The following TMEM80 variants were observed in gnomAD, a reference collection of about 807,000 sequenced individuals.
The protein encoded by TMEM80 is transmembrane protein 80.
In TMEM80, 16 loss-of-function variants were observed where a neutral mutation model predicts 13.6. The observed-to-expected ratio is 1.17, with a 90% CI of 0.79 to 1.78. The LOEUF (loss-of-function observed/expected upper bound fraction) is 1.78, where lower values mean the gene tolerates loss of function less well. Among genes scored for constraint, TMEM80 ranks in the 40% most tolerant of loss-of-function variants. The pLI is 0.00. For synonymous variants in TMEM80, 92 were observed against 89.5 expected (o/e 1.03, Z -0.16); for missense variants, 167 against 184.6 (o/e 0.90, Z 0.55).
intron 2 of TMEM80, 50 bp downstream of exon 2, chr11:698,938 T>A: frequency 6.2e-7 from 1 of 1,612,536 alleles, no homozygotes; most frequent in Non-Finnish European, 8.5e-7. Context: ...CCCGAATTGC[T>A]GCTGCACAGA....
At chr11:701,691 G>A (rs991244708) in intron 4 of TMEM80, among the ~76,000 whole-genome samples, 2 of 151,840 alleles carry the variant, frequency 1.3e-5, no homozygotes, top group East Asian at 3.9e-4. Flanking sequence ...TTACAGGCGT[G>A]AGCCACCGCG....
Position 695,852 on chromosome 11 carries a change from C to T in TMEM80, c.19+6C>T. ...GATGGCGGCCCCGCGGCGAGGTGAGCTCGGGCGGGGTGGGGGCTTCCGGGC... is the reference window on the plus strand; with the variant it reads ...GATGGCGGCCCCGCGGCGAGGTGAGTTCGGGCGGGGTGGGGGCTTCCGGGC... On this transcript the variant is annotated splice_donor_region_variant and intron_variant, in intron 1 of 4. Transcript: ENST00000397510. The T allele has an allele frequency of 8.1e-7, 1 of 1,229,244 alleles. No individual in the cohort carries two copies. Among genetic ancestry groups the T allele is most frequent in the African/African-American group, 1.6e-5 (1 of 64,362 alleles). The allele number at this position is 1,229,244 out of a possible 1,614,324, so 76.1% of individuals were successfully genotyped here.
Position 703,914 on chromosome 11 carries a change from T to A in TMEM80, c.*764T>A. 8.1e-7 allele frequency: 1 copy of A among 1,242,098 alleles called. No individual in the cohort carries two copies. The highest frequency in any genetic ancestry group is 1.0e-6 in the Non-Finnish European group (1 of 994,784). 76.9% of individuals were successfully genotyped at this position (1,242,098 alleles called of 1,614,324 possible). A position where few individuals can be genotyped will look rare whatever the true frequency, so the allele number is the denominator to read the frequency against. On this transcript the variant is annotated 3_prime_UTR_variant, in exon 5 of 5. Transcript: ENST00000397510. ...TCCAGTTTTATCAGCTTTTGCCTTT[T>A]GCACGGAGTGCTAAACAAATTCTAG... is the stretch of plus-strand genomic sequence containing the variant.
chr11:704,570 G>A, downstream of TMEM80: 7 of 1,288,758 alleles, frequency 5.4e-6, no homozygotes, highest in Non-Finnish European at 7.1e-6. Context: ...GCCATCTGGA[G>A]GACCCAGCCC....
intron 1 of TMEM80, among the ~76,000 whole-genome samples, chr11:696,828 C>T (rs1314456995): frequency 5.1e-5 from 2 of 39,204 alleles, no homozygotes; most frequent in Non-Finnish European, 1.2e-4. Context: ...GCCTGTAATC[C>T]CAGCACTTTG....
At chr11:702,438 C>T (rs963475610) in intron 4 of TMEM80, among the ~76,000 whole-genome samples, 5 of 152,236 alleles carry the variant, frequency 3.3e-5, no homozygotes, top group South Asian at 2.1e-4. Context: ...TCCCCAAGCG[C>T]GCCGCACACT....
At position 700,697 on chromosome 11, in the gene TMEM80, G is replaced by A. The variant is rs778526441; in HGVS notation, c.216G>A (p.Arg72=). The part of the protein sequence containing the change: ...LFLMGILEAV[R]LYLGTRGNLT... ...TGATGGGGATTCTAGAAGCAGTTCG[G>A]TTATACCTGGGTGAGTGGACTGTTA... Residue 72 remains arginine, a synonymous_variant, in exon 4 of 5, where the codon CGG becomes CGA. Coordinates refer to ENST00000397510, the MANE Select transcript of TMEM80 (RefSeq NM_001042463.3). 4.2e-5 allele frequency: 67 copies of A among 1,614,006 alleles called. No individual in the cohort carries two copies. In the South Asian group the frequency reaches 7.2e-4, roughly 17 times the overall value.
At chr11:704,183 A>G, downstream of TMEM80, 3 of 1,068,706 alleles carry the variant, frequency 2.8e-6, no homozygotes, top group Non-Finnish European at 3.6e-6. Context: ...CCTGCCCTGC[A>G]AGAGAGCACA....
At chr11:704,310 C>T (rs1280569344), downstream of TMEM80, 8 of 733,224 alleles carry the variant, frequency 1.1e-5, no homozygotes, top group Non-Finnish European at 1.6e-5. Flanking sequence ...CCTGGGCCTC[C>T]ACTGGGGCTC....
At chr11:702,794 C>T in intron 4 of TMEM80, 151 bp from the exon 5 acceptor site, 1 of 713,974 alleles carries the variant, frequency 1.4e-6, no homozygotes, top group East Asian at 2.8e-5. Context: ...TCTGGGTGGC[C>T]ATGGAGGCTG....
At chr11:700,380 A>T in intron 3 of TMEM80, 145 bp downstream of exon 3, 1 of 811,068 alleles carries the variant, frequency 1.2e-6, no homozygotes, top group Non-Finnish European at 2.0e-6. Flanking sequence ...CACAAAAAGT[A>T]GCCGGGCGTG....
upstream of TMEM80, chr11:695,653 C>G: frequency 8.0e-7 from 1 of 1,244,648 alleles, no homozygotes; most frequent in Non-Finnish European, 1.0e-6. Flanking sequence ...TCCGAAAGTG[C>G]CCGAGCGGTG....
At chr11:697,081 CAA>C (rs982139119) in intron 1 of TMEM80, among the ~76,000 whole-genome samples, 6 of 141,088 alleles carry the variant, frequency 4.3e-5, no homozygotes, top group Admixed American at 3.6e-4. Context: ...GCCTGGGCAA[CAA>C]GAGCGAAATT....
In TMEM80 at chr11:695,963, C is replaced by A. The variant is rs1330160765; in HGVS notation, c.19+117C>A. ...TCACGGGGCCGTGCCACCGTCTCTA[C>A]GTGAGCGAGACAGCTCCGTCACCCC... On this transcript the variant is annotated intron_variant, in intron 1 of 4. Coordinates refer to ENST00000397510, the MANE Select transcript of TMEM80 (RefSeq NM_001042463.3). The A allele has an allele frequency of 7.3e-6, 6 of 822,654 alleles. No homozygotes were observed. The South Asian group carries it at 2.5e-4, about 35-fold the overall frequency. The allele number at this position is 822,654 out of a possible 1,614,324, so 51.0% of individuals were successfully genotyped here.
chr11:699,333 G>A (rs1415858867), intron 2 of TMEM80: 2 of 199,770 alleles, frequency 1.0e-5, no homozygotes, highest in Non-Finnish European at 2.1e-5. Flanking sequence ...TCAGGCGGGA[G>A]CCACTGTGCC....
At chr11:700,943 C>T (rs745358780) in intron 4 of TMEM80, 85 of 573,570 alleles carry the variant, frequency 1.5e-4, no homozygotes, top group Admixed American at 2.4e-4. Context: ...TGTTTGGAAG[C>T]ATGTCTTGTA....
intron 1 of TMEM80, chr11:697,581 C>G (rs1016917612): frequency 4.6e-5 from 7 of 152,182 alleles, no homozygotes; most frequent in Non-Finnish European, 1.0e-4. Flanking sequence ...CAATCTATAA[C>G]AGTGAGCAAC....
chr11:697,673 T>A (rs1861262804), intron 1 of TMEM80: 1 of 152,164 alleles, frequency 6.6e-6, no homozygotes, highest in Admixed American at 6.5e-5. Context: ...TAATGCGAAA[T>A]CATCACAGAT....
chr11:701,527 C>T (rs2133469687), intron 4 of TMEM80, among the ~76,000 whole-genome samples: 1 of 150,832 alleles, frequency 6.6e-6, no homozygotes, highest in Non-Finnish European at 1.5e-5. Context: ...TCTCCTGTCT[C>T]AGCCTCCCGA....
Sources: gnomAD v4.1 joint callset for allele counts (sites outside exome capture counted in the v4.1 genomes callset) on GRCh38, gnomAD v4.1.1 for gene constraint, MANE v1.5 for transcripts, NCBI Gene and HGNC (gene_info 2026-07-23, HGNC 2026-07-21) for gene names.